EYS: variants seen among roughly 807,000 people sequenced by gnomAD.
EYS encodes protein eyes shut homolog.
EYS carries 250 observed loss-of-function variants against 282.1 expected under a neutral mutation model. That is an observed-to-expected ratio of 0.89 (90% CI 0.80 to 0.98). The LOEUF is 0.98. EYS is among the 50% of genes least tolerant of loss of function. The pLI is 0.00. For missense variants in EYS, 4,016 were observed against 3,709.0 expected, an observed-to-expected ratio of 1.08 and a Z score of -2.15; for synonymous variants, 1,355 against 1,282.9, an observed-to-expected ratio of 1.06 and a Z score of -1.20.
At position 65,344,079 on chromosome 6, in the gene EYS, T is replaced by C. The variant is rs1382514050; in HGVS notation, c.1558A>G (p.Asn520Asp). ...TGTGGGAACCAACATGAAGAATTAT[T>C]ATCTTCAGGATCGTTCACATAGGTT... ...DATYVNDPED[N>D]NSSCWFPHEG... is the part of the protein sequence containing the mutation. Residue 520 changes from asparagine (N) to aspartate (D), a missense_variant, in exon 10 of 43, where the codon AAT becomes GAT. Asn to Asp is a conservative substitution (Grantham distance 23). Transcript: ENST00000503581. The C allele has an allele frequency of 1.9e-6, 3 of 1,610,260 alleles. No individual in the cohort carries two copies. Among genetic ancestry groups the C allele is most frequent in the Non-Finnish European group, 2.5e-6 (3 of 1,177,542 alleles).
At chr6:65,218,478 A>G (rs774034844) in intron 12 of EYS, among the ~76,000 whole-genome samples, 4 of 152,154 alleles carry the variant, frequency 2.6e-5, no homozygotes, top group Non-Finnish European at 5.9e-5. Context: ...CAGCAAAACA[A>G]AAACAAAACA....
At chr6:64,087,260 A>T (rs956491538) in intron 31 of EYS, among the ~76,000 whole-genome samples, 4 of 152,148 alleles carry the variant, frequency 2.6e-5, no homozygotes, top group African/African-American at 9.6e-5. Flanking sequence ...CTATCAAGTG[A>T]CTACTACATC....
At chr6:64,734,360 T>C (rs1449241757) in intron 22 of EYS, among the ~76,000 whole-genome samples, 1 of 152,180 alleles carries the variant, frequency 6.6e-6, no homozygotes, top group Non-Finnish European at 1.5e-5. Flanking sequence ...GTTTGAAGCT[T>C]TGAAGTATTC....
intron 35 of EYS, among the ~76,000 whole-genome samples, chr6:63,900,337 C>A (rs548296327): frequency 6.6e-6 from 1 of 152,220 alleles, no homozygotes; most frequent in Non-Finnish European, 1.5e-5. Flanking sequence ...TTTATAATAA[C>A]CCTCATTATC....
At chr6:63,948,900 A>G (rs1368385576) in intron 35 of EYS, among the ~76,000 whole-genome samples, 3 of 152,104 alleles carry the variant, frequency 2.0e-5, no homozygotes, top group Admixed American at 6.5e-5. Flanking sequence ...TGTGCTATAT[A>G]TATGTTCTCA....
chr6:64,313,198 G>T (rs1249979164), intron 29 of EYS, among the ~76,000 whole-genome samples: 1 of 152,140 alleles, frequency 6.6e-6, no homozygotes, highest in Non-Finnish European at 1.5e-5. Flanking sequence ...ATGACCTGAT[G>T]GAGCTGAAAA....
At chr6:64,322,857 C>A (rs1277763526) in intron 29 of EYS, among the ~76,000 whole-genome samples, 6 of 151,988 alleles carry the variant, frequency 3.9e-5, no homozygotes, top group African/African-American at 1.4e-4. Flanking sequence ...GACAATGGAA[C>A]CAGAAAAGCC....
At chr6:63,765,636 G>A (rs1769769189) in intron 40 of EYS, among the ~76,000 whole-genome samples, 1 of 151,894 alleles carries the variant, frequency 6.6e-6, no homozygotes, top group African/African-American at 2.4e-5. Flanking sequence ...TTTATCCTTT[G>A]TGTTACAAAC....
chr6:64,168,850 C>T (rs1764384040), intron 31 of EYS, among the ~76,000 whole-genome samples: 1 of 152,078 alleles, frequency 6.6e-6, no homozygotes, highest in Non-Finnish European at 1.5e-5. Flanking sequence ...AGTAAATTTA[C>T]TTAAAATGAG....
At chr6:64,721,301 G>A (rs1201728750) in intron 22 of EYS, among the ~76,000 whole-genome samples, 1 of 152,152 alleles carries the variant, frequency 6.6e-6, no homozygotes, top group African/African-American at 2.4e-5. Flanking sequence ...GCTAGGGGCA[G>A]GAAGGTTCCA....
intron 26 of EYS, among the ~76,000 whole-genome samples, chr6:64,581,566 T>C (rs771346968): frequency 6.6e-6 from 1 of 152,178 alleles, no homozygotes; most frequent in Non-Finnish European, 1.5e-5. Flanking sequence ...TGTTGCATAA[T>C]GCCAGCTTTA....
In EYS at chr6:65,628,380, C is replaced by T. The variant is rs9453353; in HGVS notation, c.-333+11398G>A. On this transcript the variant is annotated intron_variant, in intron 2 of 42. Transcript: ENST00000503581. ...CAGCACCCTGACAAAAGAGGCCACT[C>T]GGCTCCACCAATCAGCAGGATGTGG... Among the ~76,000 whole-genome samples, 96 of 152,272 alleles carry T rather than the reference C, an allele frequency of 6.3e-4. 1 individual carries two copies. Among genetic ancestry groups the T allele is most frequent in the African/African-American group, 2.0e-3 (85 of 41,554 alleles).
intron 30 of EYS, among the ~76,000 whole-genome samples, chr6:64,247,026 C>T (rs1440959602): frequency 2.0e-5 from 3 of 151,834 alleles, no homozygotes; most frequent in Middle Eastern, 3.4e-3. Context: ...TATAAATATG[C>T]GATATTTTAG....
intron 12 of EYS, among the ~76,000 whole-genome samples, chr6:65,089,301 G>A (rs1240611225): frequency 6.6e-6 from 1 of 152,178 alleles, no homozygotes; most frequent in Non-Finnish European, 1.5e-5. Flanking sequence ...AAGCATCCAG[G>A]AGAGGGTGCT....
chr6:64,458,066 C>CT (rs1454514171), intron 26 of EYS, among the ~76,000 whole-genome samples: 11 of 152,012 alleles, frequency 7.2e-5, no homozygotes, highest in South Asian at 2.1e-4. Flanking sequence ...AATCTCTACA[C>CT]TTTGACTCCA....
At chr6:64,316,846 G>T (rs528212054) in intron 29 of EYS, among the ~76,000 whole-genome samples, 16 of 152,202 alleles carry the variant, frequency 1.1e-4, no homozygotes, top group African/African-American at 3.1e-4. Context: ...AAACAGCATG[G>T]TACTGGTCCC....
rs1466906334 is a variant in EYS at position 64,989,396 on chromosome 6, TATATATATATATATATATATGA to T, written c.2259+8164_2259+8185del. Among the ~76,000 whole-genome samples, 4 of 54,872 alleles carry T rather than the reference TATATATATATATATATATATGA, an allele frequency of 7.3e-5. 1 individual carries two copies. Among genetic ancestry groups the T allele is most frequent in the African/African-American group, 1.9e-4 (4 of 21,556 alleles). The allele number at this position is 54,872 out of a possible 152,430, so 36.0% of individuals were successfully genotyped here. ...GAGGCTATTTACTGGCTAGCTGTAA[TATATATATATATATATATATGA>T]ATATATATGAGAAACAGGAAGAGGC... On this transcript the variant is annotated intron_variant, in intron 14 of 42. Coordinates refer to ENST00000503581, the MANE Select transcript of EYS (RefSeq NM_001142800.2).
At chr6:64,688,582 T>G (rs112403598) in intron 22 of EYS, among the ~76,000 whole-genome samples, 6 of 152,196 alleles carry the variant, frequency 3.9e-5, no homozygotes, top group South Asian at 2.1e-4. Context: ...CACTGTGGTC[T>G]GAGAGACAGT....
intron 31 of EYS, among the ~76,000 whole-genome samples, chr6:64,138,607 G>A (rs1256697987): frequency 6.6e-6 from 1 of 152,130 alleles, no homozygotes; most frequent in African/African-American, 2.4e-5. Flanking sequence ...ATTAAATAGG[G>A]CATTTGGGAG....
Sources: allele counts gnomAD v4.1 joint callset (sites outside exome capture counted in the v4.1 genomes callset), GRCh38; gene constraint gnomAD v4.1.1; transcripts MANE v1.5; gene names NCBI Gene and HGNC (gene_info 2026-07-23, HGNC 2026-07-21).